CRYBG1: variants seen among roughly 807,000 people sequenced by gnomAD.
CRYBG1 encodes beta/gamma crystallin domain-containing protein 1.
Under a neutral mutation model 189.2 loss-of-function variants are expected in CRYBG1, and 139 were observed. The observed-to-expected ratio is 0.73, with a 90% CI of 0.64 to 0.85. The LOEUF (loss-of-function observed/expected upper bound fraction) is 0.85, where lower values mean the gene tolerates loss of function less well. Among genes scored for constraint, CRYBG1 ranks in the 40% least tolerant of loss-of-function variants. The pLI is 0.00. For missense variants in CRYBG1, 2,611 were observed against 2,675.8 expected (o/e 0.98, Z 0.53); for synonymous variants, 1,023 against 1,017.1 (o/e 1.01, Z -0.11).
chr6:106,423,774 C>T (rs116643212), intron 1 of CRYBG1, among the ~76,000 whole-genome samples: 3,429 of 139,774 alleles, frequency 0.025, 130 homozygotes, highest in African/African-American at 0.077. Context: ...GGTGTGATCA[C>T]GGCTCACTGC....
At chr6:106,424,674 C>T (rs1771193618) in intron 1 of CRYBG1, among the ~76,000 whole-genome samples, 1 of 152,064 alleles carries the variant, frequency 6.6e-6, no homozygotes, top group South Asian at 2.1e-4. Context: ...GTTTGCCAGG[C>T]TGCTCTCAAA....
intron 1 of CRYBG1, among the ~76,000 whole-genome samples, chr6:106,371,746 T>A (rs925648316): frequency 1.2e-4 from 18 of 152,222 alleles, no homozygotes; most frequent in Non-Finnish European, 2.1e-4. Flanking sequence ...AAAAGCAAAG[T>A]AGGACTGAAT....
At chr6:106,399,391 T>TA (rs1208362486) in intron 1 of CRYBG1, among the ~76,000 whole-genome samples, 2 of 152,240 alleles carry the variant, frequency 1.3e-5, no homozygotes, top group Admixed American at 6.5e-5. Flanking sequence ...GATAACTCAC[T>TA]ACTTTATAAC....
rs1773593073 is a variant in CRYBG1 at position 106,521,013 on chromosome 6, G to C, written c.3805G>C (p.Ala1269Pro). Residue 1269 changes from alanine (A) to proline (P), a missense_variant, in exon 4 of 22, where the codon GCT becomes CCT. Physicochemically the swap from Ala to Pro is conservative, Grantham distance 27. Coordinates refer to ENST00000633556, the MANE Select transcript of CRYBG1 (RefSeq NM_001371242.2). Reference sequence around the variant, plus strand: ...GACATCAGTCAACACTATGACCACGGCTTTCAGTACTTCTCAGAACGGTTC... The same window carrying C: ...GACATCAGTCAACACTATGACCACGCCTTTCAGTACTTCTCAGAACGGTTC... ...SVTSVNTMTT[A>P]FSTSQNGSLS... 1.9e-6 allele frequency: 3 copies of C among 1,614,014 alleles called. No individual in the cohort carries two copies. Among genetic ancestry groups the C allele is most frequent in the Non-Finnish European group, 2.5e-6 (3 of 1,180,028 alleles).
intron 1 of CRYBG1, among the ~76,000 whole-genome samples, chr6:106,366,469 A>T (rs1772000811): frequency 6.6e-6 from 1 of 152,176 alleles, no homozygotes; most frequent in Admixed American, 6.5e-5. Context: ...ATCTCTTAAC[A>T]TTGTTTTTGA....
intron 1 of CRYBG1, among the ~76,000 whole-genome samples, chr6:106,442,886 T>G (rs1056410691): frequency 4.6e-5 from 7 of 152,292 alleles, no homozygotes; most frequent in Admixed American, 2.6e-4. Flanking sequence ...AAAGTTAGAC[T>G]GGGTCCAGAA....
Position 106,520,619 on chromosome 6 carries a change from C to T in CRYBG1, c.3411C>T (p.His1137=), listed in dbSNP as rs370780499. 2.7e-4 allele frequency: 428 copies of T among 1,614,106 alleles called. No individual in the cohort carries two copies. The highest frequency in any genetic ancestry group is 3.3e-4 in the Non-Finnish European group (393 of 1,180,050). The change falls in exon 4 of 22, where the codon CAC becomes CAT. Residue 1137 remains histidine, a synonymous_variant. Transcript: ENST00000633556. ...KARMPNSPAP[H]FAMPPIHEDH... is the part of the protein sequence containing the mutation. ...GGATGCCAAACTCTCCTGCTCCTCA[C>T]TTTGCCATGCCTCCTATTCACGAAG...
At chr6:106,362,894 CAT>C (rs752709225) in intron 1 of CRYBG1, among the ~76,000 whole-genome samples, 10 of 152,228 alleles carry the variant, frequency 6.6e-5, no homozygotes, top group Non-Finnish European at 1.2e-4. Flanking sequence ...TCTATCAAAA[CAT>C]AATAATACAC....
At chr6:106,385,477 A>T (rs1770367526) in intron 1 of CRYBG1, among the ~76,000 whole-genome samples, 1 of 152,216 alleles carries the variant, frequency 6.6e-6, no homozygotes, top group Non-Finnish European at 1.5e-5. Context: ...TACTCTGTCC[A>T]TGCATATACT....
chr6:106,492,127 A>G (rs1772737982), intron 2 of CRYBG1, among the ~76,000 whole-genome samples: 1 of 152,144 alleles, frequency 6.6e-6, no homozygotes. Context: ...GAACTCTTAA[A>G]GCATTACGCA....
chr6:106,526,159 A>G (rs537433029), intron 6 of CRYBG1, among the ~76,000 whole-genome samples: 45 of 152,194 alleles, frequency 3.0e-4, no homozygotes, highest in Non-Finnish European at 5.9e-4. Context: ...AGACCTCTGA[A>G]TGTTTATGGA....
At position 106,521,017 on chromosome 6, in the gene CRYBG1, T is replaced by C; in HGVS notation, c.3809T>C (p.Phe1270Ser). The C allele has an allele frequency of 6.2e-7, 1 of 1,614,198 alleles. No individual in the cohort carries two copies. Among genetic ancestry groups the C allele is most frequent in the Non-Finnish European group, 8.5e-7 (1 of 1,180,036 alleles). ...TCAGTCAACACTATGACCACGGCTT[T>C]CAGTACTTCTCAGAACGGTTCCCTA... The part of the protein sequence containing the change: ...VTSVNTMTTA[F>S]STSQNGSLSQ... Residue 1270 changes from phenylalanine (F) to serine (S), a missense_variant, in exon 4 of 22, where the codon TTC becomes TCC. By Grantham distance (155) the Phe-to-Ser change is radical. Transcript: ENST00000633556.
Position 106,512,564 on chromosome 6 carries a change from A to C in CRYBG1, c.1447A>C (p.Ser483Arg), listed in dbSNP as rs1773306917. The C allele has an allele frequency of 6.2e-7, 1 of 1,607,166 alleles. No homozygotes were observed. Among genetic ancestry groups the C allele is most frequent in the African/African-American group, 1.3e-5 (1 of 74,846 alleles). Residue 483 changes from serine (S) to arginine (R), a missense_variant, in exon 3 of 22, where the codon AGC becomes CGC. By Grantham distance (110) the Ser-to-Arg change is moderately radical. Coordinates refer to ENST00000633556, the MANE Select transcript of CRYBG1 (RefSeq NM_001371242.2). ...CGACGGGGGCGTTGCCTCCGCTGCG[A>C]GCCCAGAGTCCAAGCCCAGCCCCGG... ...ALDGGVASAA[S>R]PESKPSPGTK... is the part of the protein sequence containing the mutation.
At chr6:106,453,985 A>G (rs1194460331) in intron 2 of CRYBG1, among the ~76,000 whole-genome samples, 1 of 152,112 alleles carries the variant, frequency 6.6e-6, no homozygotes, top group Non-Finnish European at 1.5e-5. Context: ...CCCTGTCTCT[A>G]AGTGTCACTG....
chr6:106,521,085 C>A lies in CRYBG1; in HGVS notation c.3877C>A (p.Pro1293Thr). Residue 1293 changes from proline to threonine, a missense_variant, in exon 4 of 22, where the codon CCC becomes ACC. Around this residue, in one of 3 missense-constraint regions of CRYBG1, gnomAD observed 1,622 missense variants for 1,735.0 expected, o/e 0.93. Coordinates refer to ENST00000633556, the MANE Select transcript of CRYBG1 (RefSeq NM_001371242.2). The stretch of plus-strand genomic sequence containing the variant: ...ACAGCCCACGACTGAGGGTGCCCCG[C>A]CCTGTGGTTTGAACAAAGAACAGTC... ...VSQPTTEGAPPCGLNKEQSNL... is the reference protein window; with the variant it reads ...VSQPTTEGAPTCGLNKEQSNL... The A allele has an allele frequency of 6.2e-7, 1 of 1,614,178 alleles. No homozygotes were observed. Among genetic ancestry groups the A allele is most frequent in the Non-Finnish European group, 8.5e-7 (1 of 1,180,030 alleles).
chr6:106,450,343 C>T (rs1292770715), intron 1 of CRYBG1, among the ~76,000 whole-genome samples: 1 of 152,098 alleles, frequency 6.6e-6, no homozygotes, highest in African/African-American at 2.4e-5. Flanking sequence ...TTGCTCTATT[C>T]CTCTTTATAT....
At position 106,506,632 on chromosome 6, in the gene CRYBG1, T is replaced by C. The variant is rs543053561; in HGVS notation, c.313-4798T>C. ...CATGCCCAGCTAATTTTTGTATTTT[T>C]AGTAGAGACGGGGTTTCACCACATT... On this transcript the variant is annotated intron_variant, in intron 2 of 21. Transcript: ENST00000633556. 4.6e-5 allele frequency among the ~76,000 whole-genome samples: 7 copies of C among 152,044 alleles called. No homozygotes were observed. In the South Asian group the frequency reaches 1.2e-3, roughly 27 times the overall value.
chr6:106,561,215 G>A (rs965347), intron 19 of CRYBG1, 127 bp from the exon 20 acceptor site: 974,638 of 1,129,758 alleles, frequency 0.86, 425,305 homozygotes, highest in Non-Finnish European at 0.89. Flanking sequence ...TAAAACCTCT[G>A]AGACTCTTGA....
At chr6:106,562,579 C>T (rs534848920) in intron 20 of CRYBG1, among the ~76,000 whole-genome samples, 63 of 151,844 alleles carry the variant, frequency 4.1e-4, no homozygotes, top group African/African-American at 1.2e-3. Flanking sequence ...CTGTACCTCC[C>T]GGGTTCACGC....
Sources: gnomAD v4.1 joint callset for allele counts (sites outside exome capture counted in the v4.1 genomes callset) on GRCh38, gnomAD v4.1.1 for gene constraint, gnomAD v4.1.1 regional missense constraint, MANE v1.5 for transcripts, NCBI Gene and HGNC (gene_info 2026-07-23, HGNC 2026-07-21) for gene names.